The following KRT33B variants were observed in gnomAD, a reference collection of about 807,000 sequenced individuals.
KRT33B encodes the protein keratin 33B, also known as keratin, type I cuticular Ha3-II.
KRT33B carries 37 observed loss-of-function variants against 42.7 expected under a neutral mutation model. The ratio of observed to expected loss-of-function variants is 0.87; its 90% CI spans 0.67 to 1.14. The LOEUF is 1.14. Among genes scored for constraint, KRT33B ranks in the 50% most tolerant of loss-of-function variants. KRT33B has a pLI of 0.00. For missense variants in KRT33B, 523 were observed against 515.1 expected, an observed-to-expected ratio of 1.02 and a Z score of -0.15; for synonymous variants, 237 against 221.2, an observed-to-expected ratio of 1.07 and a Z score of -0.63.
chr17:41,369,497 T>C lies in KRT33B; in HGVS notation c.254A>G (p.Glu85Gly). The change falls in exon 1 of 7, where the codon GAG becomes GGG. Residue 85 changes from glutamate to glycine, a missense_variant. Physicochemically the swap from Glu to Gly is moderately conservative, Grantham distance 98. Transcript: ENST00000251646. ...RQLERDNAEL[E>G]NLIRERSQQQ... is the part of the protein sequence containing the mutation. ...CTGAGACCGCTCCCGGATGAGGTTCTCCAGCTCCGCGTTGTCCCGCTCCAG... is the reference window on the plus strand; with the variant it reads ...CTGAGACCGCTCCCGGATGAGGTTCCCCAGCTCCGCGTTGTCCCGCTCCAG... 1 of 1,614,000 alleles carries C rather than the reference T, an allele frequency of 6.2e-7. No individual in the cohort carries two copies. The highest frequency in any genetic ancestry group is 8.5e-7 in the Non-Finnish European group (1 of 1,180,046).
Position 41,365,249 on chromosome 17 carries a change from A to G in KRT33B, c.802T>C (p.Tyr268His), listed in dbSNP as rs138903249. Residue 268 changes from tyrosine to histidine, a missense_variant, in exon 5 of 7, where the codon TAC becomes CAC. Physicochemically the swap from Tyr to His is moderately conservative, Grantham distance 83. Transcript: ENST00000251646. ...VVSSSEQLQSYQAEIIELRRT... is the reference protein window; with the variant it reads ...VVSSSEQLQSHQAEIIELRRT... ...CTCAGCTCGATGATCTCCGCCTGGT[A>G]GGACTGCAGCTGCTCCGAGCTGGAT... 2.5e-6 allele frequency: 4 copies of G among 1,611,704 alleles called. No homozygotes were observed. The highest frequency in any genetic ancestry group is 3.4e-6 in the Non-Finnish European group (4 of 1,180,000).
At position 41,365,410 on chromosome 17, in the gene KRT33B, C is replaced by T. The variant is rs547758340; in HGVS notation, c.732G>A (p.Glu244=). The part of the protein sequence containing the change: ...ALVETNRREV[E]QWFATQTEEL... ...TGCCCACCTGCGTGGCGAACCATTG[C>T]TCCACTTCCCTGCGGTTGGTTTCCA... is the stretch of plus-strand genomic sequence containing the variant. Residue 244 remains glutamate, a synonymous_variant, in exon 4 of 7, where the codon GAG becomes GAA. Coordinates refer to ENST00000251646, the MANE Select transcript of KRT33B (RefSeq NM_002279.5). The T allele has an allele frequency of 6.2e-7, 1 of 1,612,316 alleles. No homozygotes were observed. The highest frequency in any genetic ancestry group is 8.5e-7 in the Non-Finnish European group (1 of 1,179,728).
In KRT33B at chr17:41,369,539, A is replaced by T. The variant is rs2017749118; in HGVS notation, c.212T>A (p.Leu71Gln). 1 of 1,614,046 alleles carries T rather than the reference A, an allele frequency of 6.2e-7. No individual in the cohort carries two copies. The highest frequency in any genetic ancestry group is 8.5e-7 in the Non-Finnish European group (1 of 1,180,040). Residue 71 changes from leucine (L) to glutamine (Q), a missense_variant, in exon 1 of 7, where the codon CTG becomes CAG. By Grantham distance (113) the Leu-to-Gln change is moderately radical. Coordinates refer to ENST00000251646, the MANE Select transcript of KRT33B (RefSeq NM_002279.5). ...CCGCTCCAGCTGACGCACCTTCTCCAGGTAGCTGGCCAGGCGGTCGTTCAG... is the reference window on the plus strand; with the variant it reads ...CCGCTCCAGCTGACGCACCTTCTCCTGGTAGCTGGCCAGGCGGTCGTTCAG... The part of the protein sequence containing the change: ...QFLNDRLASY[L>Q]EKVRQLERDN...
chr17:41,369,654 C>A lies in KRT33B; in HGVS notation c.97G>T (p.Gly33Trp), dbSNP rs199606540. 186 of 1,613,714 alleles carry A rather than the reference C, an allele frequency of 1.2e-4. No individual in the cohort carries two copies. Among genetic ancestry groups the A allele is most frequent in the Admixed American group, 4.8e-4 (29 of 60,000 alleles). The change falls in exon 1 of 7, where the codon GGG becomes TGG. Residue 33 changes from glycine to tryptophan, a missense_variant. By Grantham distance (184) the Gly-to-Trp change is radical. Coordinates refer to ENST00000251646, the MANE Select transcript of KRT33B (RefSeq NM_002279.5). ...ACATTGGCAGGGATGTTGCAGGCCC[C>A]GGGCAGGGTGTAGCCGTGGCAGCTG... ...PPSCHGYTLP[G>W]ACNIPANVSN...
At chr17:41,366,872 T>C (rs2017708431) in intron 2 of KRT33B, among the ~76,000 whole-genome samples, 1 of 151,320 alleles carries the variant, frequency 6.6e-6, no homozygotes, top group Non-Finnish European at 1.5e-5. Context: ...TCTAAGACTC[T>C]CGTTTACAAG....
Position 41,369,440 on chromosome 17 carries a change from T to C in KRT33B, c.311A>G (p.Gln104Arg), listed in dbSNP as rs543519209. 3 of 1,613,400 alleles carry C rather than the reference T, an allele frequency of 1.9e-6. No homozygotes were observed. The highest frequency in any genetic ancestry group is 1.1e-5 in the South Asian group (1 of 91,090). ...CTCCTCAATGGTCTTGAAGTAGGAC[T>C]GGTAGCTGGGGCACAGCAAGGGCTC... is the stretch of plus-strand genomic sequence containing the variant. Reference protein sequence around the residue: ...QQEPLLCPSYQSYFKTIEELQ... With the variant: ...QQEPLLCPSYRSYFKTIEELQ... Residue 104 changes from glutamine (Q) to arginine (R), a missense_variant, in exon 1 of 7, where the codon CAG becomes CGG. By Grantham distance (43) the Gln-to-Arg change is conservative. Transcript: ENST00000251646.
In KRT33B at chr17:41,366,484, G is replaced by A; in HGVS notation, c.574C>T (p.Gln192Ter). Residue 192 changes from glutamine to a stop codon, truncating the protein, a stop_gained, in exon 3 of 7, where the codon CAG (glutamine) becomes TAG (stop). Coordinates refer to ENST00000251646, the MANE Select transcript of KRT33B (RefSeq NM_002279.5). LOFTEE classifies it high-confidence loss of function. ...SLKEELLSLK[Q>*]NHEQEVNTLR... ...GGGACTCTTACCTGCTCATGGTTCTGCTTGAGGGACAGCAGCTCCTCCTTC... is the reference window on the plus strand; with the variant it reads ...GGGACTCTTACCTGCTCATGGTTCTACTTGAGGGACAGCAGCTCCTCCTTC... The A allele has an allele frequency of 6.2e-7, 1 of 1,612,560 alleles. No homozygotes were observed.
At chr17:41,364,092 C>A in intron 6 of KRT33B, 139 bp from the exon 7 acceptor site, 1 of 604,362 alleles carries the variant, frequency 1.7e-6, no homozygotes, top group Non-Finnish European at 2.9e-6. Context: ...ATCACTCCTT[C>A]TACAGAGTTC....
At chr17:41,364,729 A>G in intron 6 of KRT33B, 50 bp downstream of exon 6, 1 of 1,606,764 alleles carries the variant, frequency 6.2e-7, no homozygotes, top group Non-Finnish European at 8.5e-7. Flanking sequence ...TTTATCCTAC[A>G]GTAGAACAGT....
chr17:41,367,401 AC>A (rs773323662), intron 2 of KRT33B, among the ~76,000 whole-genome samples: 5 of 151,354 alleles, frequency 3.3e-5, no homozygotes, highest in Non-Finnish European at 7.3e-5. Flanking sequence ...ATGGTGTCTT[AC>A]AATCAAACTT....
Position 41,369,387 on chromosome 17 carries a change from G to A in KRT33B, c.348+16C>T, listed in dbSNP as rs2017745159. 4 of 1,611,830 alleles carry A rather than the reference G, an allele frequency of 2.5e-6. No individual in the cohort carries two copies. The highest frequency in any genetic ancestry group is 1.4e-5 in the African/African-American group (1 of 73,978). On this transcript the variant is annotated intron_variant, in intron 1 of 6. Coordinates refer to ENST00000251646, the MANE Select transcript of KRT33B (RefSeq NM_002279.5). ...AGTAGTTCATTAAGCTGGCAGTGTG[G>A]TGCCCACCTCCTCACCTTCTGCTGG...
At chr17:41,366,412 C>T (rs1293427331) in intron 3 of KRT33B, 58 bp downstream of exon 3, 3 of 1,592,010 alleles carry the variant, frequency 1.9e-6, no homozygotes, top group Non-Finnish European at 1.7e-6. Flanking sequence ...CTACCTTATC[C>T]TATTCAGGGG....
At chr17:41,365,601 A>G in intron 3 of KRT33B, 48 bp from the exon 4 acceptor site, 1 of 1,586,324 alleles carries the variant, frequency 6.3e-7, no homozygotes, top group Non-Finnish European at 8.6e-7. Context: ...AAGTCTTTCA[A>G]TAACTTCTTT....
intron 6 of KRT33B, 52 bp from the exon 7 acceptor site, chr17:41,364,005 G>A: frequency 8.0e-7 from 1 of 1,255,014 alleles, no homozygotes; most frequent in Non-Finnish European, 1.2e-6. Flanking sequence ...ATTCAAACAA[G>A]GGAGACTCAA....
rs777726481 is a variant in KRT33B, at chr17:41,365,206, A to G, written c.845T>C (p.Leu282Pro). Residue 282 changes from leucine (L) to proline (P), a missense_variant, in exon 5 of 7, where the codon CTG becomes CCG. Coordinates refer to ENST00000251646, the MANE Select transcript of KRT33B (RefSeq NM_002279.5). ...GTGCTGGGCCTGCAGCTCGATCTCC[A>G]GGGCATTGACTGTGCGTCTCAGCTC... is the stretch of plus-strand genomic sequence containing the variant. Reference protein sequence around the residue: ...IIELRRTVNALEIELQAQHNL... With the variant: ...IIELRRTVNAPEIELQAQHNL... 1.8e-5 allele frequency: 29 copies of G among 1,611,698 alleles called. No homozygotes were observed. The Admixed American group carries it at 4.7e-4, about 26-fold the overall frequency.
At chr17:41,365,104 C>T (rs1273139218) in intron 5 of KRT33B, 71 bp downstream of exon 5, 2 of 1,609,110 alleles carry the variant, frequency 1.2e-6, no homozygotes, top group Non-Finnish European at 1.7e-6. Context: ...GAGTGTGTGG[C>T]CCCAAGGGCA....
Position 41,367,958 on chromosome 17 carries a change from C to T in KRT33B, c.381G>A (p.Leu127=), listed in dbSNP as rs373617148. The part of the protein sequence containing the change: ...ILCSKSENAR[L]VVQIDNAKLA... ...GCTTGGCATTGTCGATCTGCACCAC[C>T]AGCCTGGCATTCTCAGACTTGCTGC... Residue 127 remains leucine, a synonymous_variant, in exon 2 of 7, where the codon CTG becomes CTA. Transcript: ENST00000251646. 1.2e-6 allele frequency: 2 copies of T among 1,612,962 alleles called. No homozygotes were observed. The highest frequency in any genetic ancestry group is 2.2e-5 in the South Asian group (2 of 91,082).
chr17:41,367,235 T>A (rs1276667763), intron 2 of KRT33B, among the ~76,000 whole-genome samples: 1 of 151,436 alleles, frequency 6.6e-6, no homozygotes, highest in Non-Finnish European at 1.5e-5. Flanking sequence ...AAAGTATTGA[T>A]TGATTCTCTG....
At chr17:41,366,354 G>A in intron 3 of KRT33B, 116 bp downstream of exon 3, 1 of 1,228,930 alleles carries the variant, frequency 8.1e-7, no homozygotes, top group South Asian at 1.4e-5. Flanking sequence ...TATGTTTTGA[G>A]CAACCAGCAA....
Sources: gnomAD v4.1 joint callset for allele counts (sites outside exome capture counted in the v4.1 genomes callset) on GRCh38, gnomAD v4.1.1 for gene constraint, MANE v1.5 for transcripts, NCBI Gene and HGNC (gene_info 2026-07-23, HGNC 2026-07-21) for gene names.